ADAM12: variants seen among roughly 807,000 people sequenced by gnomAD.
The protein encoded by ADAM12 is disintegrin and metalloproteinase domain-containing protein 12.
A neutral mutation model predicts 106.4 loss-of-function variants in ADAM12; 70 were observed. The ratio of observed to expected loss-of-function variants is 0.66; its 90% CI spans 0.54 to 0.80. The LOEUF is 0.80. ADAM12 is among the 30% of genes least tolerant of loss of function. ADAM12 has a pLI of 0.00. For synonymous variants in ADAM12, 420 were observed against 433.5 expected, an observed-to-expected ratio of 0.97 and a Z score of 0.39; for missense variants, 1,010 against 1,171.9, an observed-to-expected ratio of 0.86 and a Z score of 2.02.
At chr10:126,355,195 A>T (rs1278955843) in intron 1 of ADAM12, among the ~76,000 whole-genome samples, 1 of 152,236 alleles carries the variant, frequency 6.6e-6, no homozygotes, top group Non-Finnish European at 1.5e-5. Flanking sequence ...TCACAACAAT[A>T]AAAAGACAAA....
chr10:126,045,241 C>G (rs1278286283), intron 17 of ADAM12, among the ~76,000 whole-genome samples: 1 of 152,118 alleles, frequency 6.6e-6, no homozygotes, highest in African/African-American at 2.4e-5. Flanking sequence ...AATCTATGAT[C>G]CAATGAAGAC....
chr10:126,124,920 A>C (rs1413861332), intron 5 of ADAM12, among the ~76,000 whole-genome samples: 1 of 151,112 alleles, frequency 6.6e-6, no homozygotes, highest in Non-Finnish European at 1.5e-5. Context: ...AAGAAAAAGA[A>C]AAGTGTTATT....
At position 126,242,686 on chromosome 10, in the gene ADAM12, GCTCT is replaced by G. The variant is rs145309807; in HGVS notation, c.260+36225_260+36228del. 4.2e-3 allele frequency among the ~76,000 whole-genome samples: 633 copies of G among 152,318 alleles called. 3 individuals are homozygous for G. Among genetic ancestry groups the G allele is most frequent in the South Asian group, 0.011 (51 of 4,826 alleles). On this transcript the variant is annotated intron_variant, in intron 3 of 22. Coordinates refer to ENST00000448723, the MANE Select transcript of ADAM12 (RefSeq NM_001288973.2). ...TTTGAGTTGGAATAGGTACGGAAGT[GCTCT>G]CTCTGAGTTTCTGACACAAATAACA...
intron 11 of ADAM12, among the ~76,000 whole-genome samples, chr10:126,086,680 A>AATATATATATATATATATATATAT (rs1210379675): frequency 7.0e-4 from 17 of 24,216 alleles, no homozygotes; most frequent in African/African-American, 2.6e-3. Flanking sequence ...AAAAAAAAAA[A>AATATATATATATATATATATATAT]ATATATATAT....
At chr10:126,163,460 G>C (rs886148011) in intron 3 of ADAM12, among the ~76,000 whole-genome samples, 2 of 152,160 alleles carry the variant, frequency 1.3e-5, no homozygotes, top group Non-Finnish European at 2.9e-5. Context: ...TTACCATGTA[G>C]GTAAAGTTCT....
chr10:126,296,896 A>G (rs115446350), intron 2 of ADAM12, among the ~76,000 whole-genome samples: 2,272 of 152,314 alleles, frequency 0.015, 68 homozygotes, highest in African/African-American at 0.052. Flanking sequence ...ATTTTGACAC[A>G]CAGTTCCAAC....
intron 19 of ADAM12, among the ~76,000 whole-genome samples, chr10:126,038,962 T>C (rs1393235862): frequency 5.1e-5 from 7 of 136,836 alleles, no homozygotes; most frequent in Non-Finnish European, 4.7e-5. Flanking sequence ...CTTTTTTTTT[T>C]TTTTTTTTTT....
At chr10:126,146,383 G>C (rs1263054653) in intron 4 of ADAM12, among the ~76,000 whole-genome samples, 2 of 152,172 alleles carry the variant, frequency 1.3e-5, no homozygotes, top group Non-Finnish European at 2.9e-5. Flanking sequence ...AGAATATGAT[G>C]ATGAGCCTGG....
At chr10:126,086,680 A>AAAAAATATAT (rs1554966976) in intron 11 of ADAM12, among the ~76,000 whole-genome samples, 2 of 24,270 alleles carry the variant, frequency 8.2e-5, no homozygotes, top group East Asian at 5.5e-3. Context: ...AAAAAAAAAA[A>AAAAAATATAT]ATATATATAT....
At chr10:126,216,585 G>C (rs1037259999) in intron 3 of ADAM12, among the ~76,000 whole-genome samples, 5 of 152,178 alleles carry the variant, frequency 3.3e-5, no homozygotes, top group Admixed American at 2.6e-4. Context: ...CTTATCCTCC[G>C]GGATCATAAA....
At chr10:126,149,231 C>T (rs766685858) in intron 4 of ADAM12, among the ~76,000 whole-genome samples, 6 of 152,234 alleles carry the variant, frequency 3.9e-5, no homozygotes. Context: ...TCCCGCACCA[C>T]ATGGAGACAA....
At chr10:126,228,123 C>T (rs935700184) in intron 3 of ADAM12, among the ~76,000 whole-genome samples, 3 of 152,164 alleles carry the variant, frequency 2.0e-5, no homozygotes, top group East Asian at 3.9e-4. Flanking sequence ...GATGGGGAAG[C>T]CTGCACCCCT....
chr10:126,252,169 T>A (rs1470357280), intron 3 of ADAM12, among the ~76,000 whole-genome samples: 3 of 5,032 alleles, frequency 6.0e-4, no homozygotes, highest in Admixed American at 4.7e-3. Flanking sequence ...GATGGATGGA[T>A]GATGGATGGA....
intron 2 of ADAM12, among the ~76,000 whole-genome samples, chr10:126,287,641 G>A (rs188333955): frequency 3.3e-5 from 5 of 151,958 alleles, no homozygotes; most frequent in East Asian, 3.9e-4. Flanking sequence ...GCTTGTTCCC[G>A]AAGCTTCTGG....
intron 3 of ADAM12, among the ~76,000 whole-genome samples, chr10:126,270,216 G>A (rs1165286069): frequency 6.6e-6 from 1 of 152,202 alleles, no homozygotes; most frequent in Non-Finnish European, 1.5e-5. Context: ...AGTGGGCAGA[G>A]ATGACCCCTC....
intron 8 of ADAM12, among the ~76,000 whole-genome samples, chr10:126,104,600 C>T (rs1429523646): frequency 6.6e-6 from 1 of 152,112 alleles, no homozygotes; most frequent in African/African-American, 2.4e-5. Context: ...AAGATGCAAA[C>T]TCCACGATAG....
chr10:126,227,322 A>G (rs10466250), intron 3 of ADAM12, among the ~76,000 whole-genome samples: 86,895 of 151,930 alleles, frequency 0.57, 25,284 homozygotes, highest in African/African-American at 0.68. Context: ...TGCCATCACC[A>G]CCTGTCATCA....
intron 1 of ADAM12, among the ~76,000 whole-genome samples, chr10:126,380,205 CAG>C (rs897418648): frequency 2.6e-5 from 4 of 152,094 alleles, no homozygotes; most frequent in Non-Finnish European, 4.4e-5. Flanking sequence ...ACAAAAGAAA[CAG>C]GGTGAAAAAT....
chr10:126,135,417 G>T, intron 5 of ADAM12, 167 bp downstream of exon 5: 1 of 642,264 alleles, frequency 1.6e-6, no homozygotes, highest in Non-Finnish European at 2.7e-6. Flanking sequence ...CCATGCTCTT[G>T]TAAGCAGTGG....
Sources: gnomAD v4.1 joint callset for allele counts (sites outside exome capture counted in the v4.1 genomes callset) on GRCh38, gnomAD v4.1.1 for gene constraint, MANE v1.5 for transcripts, NCBI Gene and HGNC (gene_info 2026-07-23, HGNC 2026-07-21) for gene names.